Variants in ADCY3 observed in about 807,000 individuals in gnomAD.
ADCY3 encodes adenylate cyclase type 3.
In ADCY3, 70 loss-of-function variants were observed where a neutral mutation model predicts 119.4. The ratio of observed to expected loss-of-function variants is 0.59; its 90% CI spans 0.48 to 0.72. The LOEUF (loss-of-function observed/expected upper bound fraction) is 0.72, where lower values mean the gene tolerates loss of function less well. Ranked by LOEUF, ADCY3 falls within the 30% of genes least tolerant of loss-of-function variation. The probability of loss-of-function intolerance (pLI) is 0.00; values close to 1 mark genes in which losing one functional copy is unlikely to be tolerated. For synonymous variants in ADCY3, 672 were observed against 621.4 expected, an observed-to-expected ratio of 1.08 and a Z score of -1.21; for missense variants, 1,238 against 1,541.6, an observed-to-expected ratio of 0.80 and a Z score of 3.30.
Position 24,834,640 on chromosome 2 carries a change from C to T in ADCY3, c.1812G>A (p.Lys604=), listed in dbSNP as rs1311300619. The stretch of plus-strand genomic sequence containing the variant: ...TGGACAAGAGGAAGGTGTTTCTCTT[C>T]TTTACTCTGCAGTGGGAACAAGCCC... ...LLERESAQVV[K]KRNTFLLSMR... The change falls in exon 11 of 22, where the codon AAG becomes AAA. Residue 604 remains lysine, a synonymous_variant. Coordinates refer to ENST00000679454, the MANE Select transcript of ADCY3 (RefSeq NM_004036.5). This position sits in a 1 kb window ranked among gnomAD's most constrained non-coding sequence, Gnocchi z 4.2. 1.9e-6 allele frequency: 3 copies of T among 1,614,062 alleles called. No homozygotes were observed. In the South Asian group the frequency reaches 3.3e-5, roughly 18 times the overall value.
chr2:24,880,778 G>A (rs1676288919), intron 2 of ADCY3, among the ~76,000 whole-genome samples: 1 of 152,158 alleles, frequency 6.6e-6, no homozygotes, highest in Non-Finnish European at 1.5e-5. Flanking sequence ...CACTTTGGGA[G>A]GCCAAGGCGG....
rs1235096815 is a variant in ADCY3, at chr2:24,919,185, C to T, written c.-197-1G>A. On this transcript the variant is annotated splice_acceptor_variant, in intron 1 of 21. Transcript: ENST00000679454. LOFTEE classifies it low-confidence loss of function (5UTR_SPLICE). This position sits in a 1 kb window ranked among gnomAD's most constrained non-coding sequence, Gnocchi z 5.5. Reference sequence around the variant, plus strand: ...CACAGGTAGCACTGATCAGCTAGAACTGAAAAGGGCATTGCTGAGTAGAAG... The same window carrying T: ...CACAGGTAGCACTGATCAGCTAGAATTGAAAAGGGCATTGCTGAGTAGAAG... The T allele has an allele frequency of 1.7e-6, 1 of 598,116 alleles. No individual in the cohort carries two copies. Among genetic ancestry groups the T allele is most frequent in the Non-Finnish European group, 2.9e-6 (1 of 339,000 alleles). The allele number at this position is 598,116 out of a possible 1,614,324, so 37.1% of individuals were successfully genotyped here.
intron 20 of ADCY3, chr2:24,821,306 A>AC: frequency 1.6e-6 from 1 of 631,116 alleles, no homozygotes; most frequent in Non-Finnish European, 2.7e-6. Flanking sequence ...GGCACAGTAT[A>AC]GTCGGATCAT....
intron 3 of ADCY3, among the ~76,000 whole-genome samples, chr2:24,864,027 C>T (rs1673995476): frequency 6.6e-6 from 1 of 152,208 alleles, no homozygotes; most frequent in Non-Finnish European, 1.5e-5. Flanking sequence ...TGGCTCATGC[C>T]TGTAATCCCA....
At chr2:24,892,136 G>T (rs554646606) in intron 2 of ADCY3, among the ~76,000 whole-genome samples, 22 of 151,882 alleles carry the variant, frequency 1.4e-4, no homozygotes, top group African/African-American at 4.8e-4. Flanking sequence ...CTTCCTTTAG[G>T]CATGTGTTTC....
intron 2 of ADCY3, among the ~76,000 whole-genome samples, chr2:24,911,227 T>C (rs1573060932): frequency 6.8e-6 from 1 of 146,860 alleles, no homozygotes; most frequent in East Asian, 2.0e-4. Context: ...CTTTTTTTTT[T>C]TTTTTTTTTT....
intron 2 of ADCY3, among the ~76,000 whole-genome samples, chr2:24,873,100 A>C (rs896005387): frequency 7.2e-5 from 11 of 152,170 alleles, no homozygotes; most frequent in African/African-American, 2.7e-4. Context: ...TCATTCCTTC[A>C]CGCATTTGCT....
chr2:24,890,395 TG>T (rs1309402155), intron 2 of ADCY3, among the ~76,000 whole-genome samples: 1 of 152,234 alleles, frequency 6.6e-6, no homozygotes, highest in Non-Finnish European at 1.5e-5. Flanking sequence ...TATGTGGAAT[TG>T]GTATTATTTC....
rs1166695644 is a variant in ADCY3, at chr2:24,898,858, CAGT to C, written c.675+19452_675+19454del. Among the ~76,000 whole-genome samples, 1 of 152,168 alleles carries C rather than the reference CAGT, an allele frequency of 6.6e-6. No homozygotes were observed. Among genetic ancestry groups the C allele is most frequent in the East Asian group, 1.9e-4 (1 of 5,178 alleles). ...GAGGTCTGCAGCCTGGGGATAGCTC[CAGT>C]TCACACTGGAAACCCTTTCACCGCC... On this transcript the variant is annotated intron_variant, in intron 2 of 21. Transcript: ENST00000679454. The surrounding 1 kb of genome is among the most constrained non-coding windows in gnomAD (Gnocchi z 4.3).
At position 24,918,666 on chromosome 2, in the gene ADCY3, G is replaced by A. The variant is rs751259804; in HGVS notation, c.322C>T (p.Leu108Phe). 3 of 1,614,010 alleles carry A rather than the reference G, an allele frequency of 1.9e-6. No individual in the cohort carries two copies. In the East Asian group the frequency reaches 6.7e-5, roughly 36 times the overall value. ...ACCAGTCCAATTCCAGCCACGGCGA[G>A]GGAAGCCAGCTTGTCGCTGGAGAAG... ...VVFSSDKLAS[L>F]AVAGIGLVLD... The change falls in exon 2 of 22, where the codon CTC becomes TTC. Residue 108 changes from leucine to phenylalanine, a missense_variant. Around this residue, in one of 7 missense-constraint regions of ADCY3, gnomAD observed 227 missense variants for 249.3 expected, o/e 0.91. Coordinates refer to ENST00000679454, the MANE Select transcript of ADCY3 (RefSeq NM_004036.5). The surrounding 1 kb of genome is among the most constrained non-coding windows in gnomAD (Gnocchi z 5.4).
At chr2:24,829,335 T>G (rs1669101675) in intron 13 of ADCY3, among the ~76,000 whole-genome samples, 1 of 149,796 alleles carries the variant, frequency 6.7e-6, no homozygotes, top group Admixed American at 6.7e-5. Context: ...GACTTCTGAT[T>G]AGCTGCAGCC....
chr2:24,830,831 A>C lies in ADCY3; in HGVS notation c.2056-6T>G. On this transcript the variant is annotated splice_polypyrimidine_tract_variant and splice_region_variant and intron_variant, in intron 12 of 21. Coordinates refer to ENST00000679454, the MANE Select transcript of ADCY3 (RefSeq NM_004036.5). ...ACAAGCTTCTTAGGAAAGGCCTAGA[A>C]GGAACAGAATTTCAAGGGCCATGAG... is the stretch of plus-strand genomic sequence containing the variant. 6.2e-7 allele frequency: 1 copy of C among 1,611,198 alleles called. No homozygotes were observed. Among genetic ancestry groups the C allele is most frequent in the Non-Finnish European group, 8.5e-7 (1 of 1,177,728 alleles).
rs1292641329 is a variant in ADCY3, at chr2:24,872,783, G to A, written c.676-64C>T. 1.3e-6 allele frequency: 2 copies of A among 1,578,220 alleles called. No individual in the cohort carries two copies. Among genetic ancestry groups the A allele is most frequent in the Admixed American group, 3.5e-5 (2 of 57,478 alleles). On this transcript the variant is annotated intron_variant, in intron 2 of 21. Transcript: ENST00000679454. This position sits in a 1 kb window ranked among gnomAD's most constrained non-coding sequence, Gnocchi z 4.4. ...AAGGCACGTCTTCAGAAAAGGGGAT[G>A]GAGAAGGGGATGGAGGAGGTGGGGT...
At position 24,825,350 on chromosome 2, in the gene ADCY3, GC is replaced by G. The variant is rs1558404278; in HGVS notation, c.2577+694del. On this transcript the variant is annotated intron_variant, in intron 16 of 21. Transcript: ENST00000679454. Reference sequence around the variant, plus strand: ...TGGTTGTGGCGGGGGGGGGGGGGGTGCGGGGGGGGTGTCTCACTTTGTCACC... The same window carrying G: ...TGGTTGTGGCGGGGGGGGGGGGGGTGGGGGGGGGTGTCTCACTTTGTCACC... Among the ~76,000 whole-genome samples, 26 of 13,352 alleles carry G rather than the reference GC, an allele frequency of 1.9e-3. 4 individuals carry two copies. In the Middle Eastern group the frequency reaches 0.11, roughly 55 times the overall value. 8.8% of individuals were successfully genotyped at this position (13,352 alleles called of 152,430 possible).
chr2:24,881,838 C>T (rs1410969809), intron 2 of ADCY3, among the ~76,000 whole-genome samples: 7 of 151,938 alleles, frequency 4.6e-5, no homozygotes, highest in Admixed American at 3.9e-4. Context: ...TTGACAGTCA[C>T]GACTAGGAGA....
intron 2 of ADCY3, among the ~76,000 whole-genome samples, chr2:24,874,708 C>T (rs1675443799): frequency 6.6e-6 from 1 of 152,138 alleles, no homozygotes; most frequent in Non-Finnish European, 1.5e-5. Context: ...ATTCTCAGCT[C>T]ACCGGTGAAA....
intron 2 of ADCY3, among the ~76,000 whole-genome samples, chr2:24,909,848 T>C (rs1487514151): frequency 4.6e-5 from 7 of 152,140 alleles, no homozygotes; most frequent in Non-Finnish European, 4.4e-5. Flanking sequence ...TACTCAAACA[T>C]CAAAAGATAG....
chr2:24,911,673 C>CACACA (rs1663694083), intron 2 of ADCY3, among the ~76,000 whole-genome samples: 2 of 135,816 alleles, frequency 1.5e-5, no homozygotes, highest in African/African-American at 6.9e-5. Flanking sequence ...CACACACACA[C>CACACA]CACCAAGCCC....
chr2:24,911,070 C>G lies in ADCY3; in HGVS notation c.675+7243G>C, dbSNP rs957595023. Among the ~76,000 whole-genome samples, 4 of 152,080 alleles carry G rather than the reference C, an allele frequency of 2.6e-5. No homozygotes were observed. In the South Asian group the frequency reaches 8.3e-4, roughly 32 times the overall value. On this transcript the variant is annotated intron_variant, in intron 2 of 21. Coordinates refer to ENST00000679454, the MANE Select transcript of ADCY3 (RefSeq NM_004036.5). ...GGGCTGTTGGTTGCAACACTCAACA[C>G]CCCAGACATCTCTGTTCCTTGAAGA...
Sources: allele counts gnomAD v4.1 joint callset (sites outside exome capture counted in the v4.1 genomes callset), GRCh38; gene constraint gnomAD v4.1.1; regional missense constraint gnomAD v4.1.1; non-coding constraint Gnocchi (gnomAD v3.1); transcripts MANE v1.5; gene names NCBI Gene and HGNC (gene_info 2026-07-23, HGNC 2026-07-21).